MRPS11: variants seen among roughly 807,000 people sequenced by gnomAD.
MRPS11 encodes the protein small ribosomal subunit protein uS11m.
In MRPS11, 27 loss-of-function variants were observed where a neutral mutation model predicts 24.3. The observed-to-expected ratio is 1.11, with a 90% confidence interval of 0.82 to 1.53. MRPS11 has a LOEUF of 1.53. Ranked by LOEUF, MRPS11 falls within the 40% of genes most tolerant of loss-of-function variation. MRPS11 has a pLI of 0.00. For synonymous variants in MRPS11, 104 were observed against 98.7 expected (o/e 1.05, Z -0.32); for missense variants, 277 against 256.5 (o/e 1.08, Z -0.55).
rs1233688504 is a variant in MRPS11, at chr15:88,475,021, C to T, written c.282-89C>T. On this transcript the variant is annotated intron_variant, in intron 3 of 5. Coordinates refer to ENST00000325844, the MANE Select transcript of MRPS11 (RefSeq NM_022839.5). This position sits in a 1 kb window ranked among gnomAD's most constrained non-coding sequence, Gnocchi z 4.1. ...GAAGCAACTGAATTCCTTTTTCTTT[C>T]TCACCCAGGCTTCTAGGGGCATAGA... is the stretch of plus-strand genomic sequence containing the variant. The T allele has an allele frequency of 6.8e-6, 10 of 1,469,774 alleles. No homozygotes were observed. Among genetic ancestry groups the T allele is most frequent in the Middle Eastern group, 1.8e-4 (1 of 5,600 alleles). The allele number at this position is 1,469,774 out of a possible 1,614,324, so 91.0% of individuals were successfully genotyped here.
intron 3 of MRPS11, 123 bp downstream of exon 3, chr15:88,472,848 C>T (rs535445092): frequency 1.4e-4 from 95 of 685,446 alleles, no homozygotes; most frequent in Non-Finnish European, 1.7e-4. Flanking sequence ...TGCATGATGG[C>T]GCTAATGTAG....
chr15:88,478,083 C>T lies in MRPS11; in HGVS notation c.*104C>T. On this transcript the variant is annotated 3_prime_UTR_variant, in exon 6 of 6. Coordinates refer to ENST00000325844, the MANE Select transcript of MRPS11 (RefSeq NM_022839.5). The surrounding 1 kb of genome is among the most constrained non-coding windows in gnomAD (Gnocchi z 4.7). Reference sequence around the variant, plus strand: ...TCTCCAGAATATGCTTGTTGGAGATCCTTCAGGCAGTAAGGGAGAGTTTTG... The same window carrying T: ...TCTCCAGAATATGCTTGTTGGAGATTCTTCAGGCAGTAAGGGAGAGTTTTG... 1 of 925,798 alleles carries T rather than the reference C, an allele frequency of 1.1e-6. No homozygotes were observed. 57.3% of individuals were successfully genotyped at this position (925,798 alleles called of 1,614,324 possible).
At chr15:88,472,601 A>T in intron 2 of MRPS11, 26 bp from the exon 3 acceptor site, 1 of 1,576,902 alleles carries the variant, frequency 6.3e-7, no homozygotes, top group Non-Finnish European at 8.7e-7. Flanking sequence ...AGACAATTTT[A>T]AATAAAATCT....
chr15:88,473,307 T>C (rs1337921858), intron 3 of MRPS11, among the ~76,000 whole-genome samples: 3 of 152,158 alleles, frequency 2.0e-5, no homozygotes, highest in Admixed American at 1.3e-4. Flanking sequence ...CCCAAACATA[T>C]GCTGCCAACA....
At chr15:88,472,512 G>C in intron 2 of MRPS11, 115 bp from the exon 3 acceptor site, 3 of 774,750 alleles carry the variant, frequency 3.9e-6, no homozygotes, top group Non-Finnish European at 6.3e-6. Flanking sequence ...GGTGGGGGCA[G>C]CCACTTAAGA....
chr15:88,477,073 C>T lies in MRPS11; in HGVS notation c.477+19C>T. 1 of 1,612,480 alleles carries T rather than the reference C, an allele frequency of 6.2e-7. No homozygotes were observed. Among genetic ancestry groups the T allele is most frequent in the Non-Finnish European group, 8.5e-7 (1 of 1,178,954 alleles). ...ACGCTTGGTAAGTTACAGTGATTTC[C>T]ATAGTGTACTTGCCTCCTAGTAAGT... On this transcript the variant is annotated intron_variant, in intron 5 of 5. Coordinates refer to ENST00000325844, the MANE Select transcript of MRPS11 (RefSeq NM_022839.5). The surrounding 1 kb of genome is among the most constrained non-coding windows in gnomAD (Gnocchi z 5.7).
intron 3 of MRPS11, 88 bp downstream of exon 3, chr15:88,472,813 G>A (rs1396791591): frequency 9.1e-7 from 1 of 1,093,040 alleles, no homozygotes; most frequent in Non-Finnish European, 1.4e-6. Flanking sequence ...GAATACCCCG[G>A]GGTAGAAGTG....
chr15:88,475,206 C>T lies in MRPS11; in HGVS notation c.378C>T (p.Ile126=), dbSNP rs563650346. The part of the protein sequence containing the change: ...GFRNAKKGTG[I]AAQTAGIAAA... ...GGAATGCCAAGAAGGGCACAGGCAT[C>T]GCAGCACAGACAGCAGGCATAGCCG... Residue 126 remains isoleucine (I), a synonymous_variant, in exon 4 of 6, where the codon ATC becomes ATT. Coordinates refer to ENST00000325844, the MANE Select transcript of MRPS11 (RefSeq NM_022839.5). This position sits in a 1 kb window ranked among gnomAD's most constrained non-coding sequence, Gnocchi z 4.1. 1.7e-5 allele frequency: 28 copies of T among 1,614,112 alleles called. No individual in the cohort carries two copies. The East Asian group carries it at 3.6e-4, about 21-fold the overall frequency.
intron 3 of MRPS11, 137 bp from the exon 4 acceptor site, chr15:88,474,973 G>T (rs1286898553): frequency 2.0e-6 from 2 of 1,002,720 alleles, no homozygotes; most frequent in East Asian, 2.6e-5. Context: ...TTCAAAACAT[G>T]TTCATCTGAG....
rs1437169391 is a variant in MRPS11 at position 88,477,929 on chromosome 15, A to G, written c.535A>G (p.Thr179Ala). 6.2e-7 allele frequency: 1 copy of G among 1,613,862 alleles called. No individual in the cohort carries two copies. Among genetic ancestry groups the G allele is most frequent in the Non-Finnish European group, 8.5e-7 (1 of 1,180,010 alleles). Residue 179 changes from threonine (T) to alanine (A), a missense_variant, in exon 6 of 6, where the codon ACC becomes GCC. Coordinates refer to ENST00000325844, the MANE Select transcript of MRPS11 (RefSeq NM_022839.5). The surrounding 1 kb of genome is among the most constrained non-coding windows in gnomAD (Gnocchi z 5.7). ...GLEVISITDNTPIPHNGCRPR... is the reference protein window; with the variant it reads ...GLEVISITDNAPIPHNGCRPR... Reference sequence around the variant, plus strand: ...GGAAGTGATCTCAATCACAGACAACACCCCAATCCCACACAACGGCTGCCG... The same window carrying G: ...GGAAGTGATCTCAATCACAGACAACGCCCCAATCCCACACAACGGCTGCCG...
chr15:88,470,374 T>C (rs777515457), intron 2 of MRPS11, among the ~76,000 whole-genome samples: 3 of 152,100 alleles, frequency 2.0e-5, no homozygotes, highest in Non-Finnish European at 4.4e-5. Context: ...GCTAGAGATA[T>C]ACAGTTGGGA....
chr15:88,468,779 G>A (rs2055614479), intron 2 of MRPS11: 1 of 154,026 alleles, frequency 6.5e-6, no homozygotes, highest in Admixed American at 6.5e-5. Context: ...GGCGGCCAAG[G>A]TGGGCGAATT....
rs1010704145 is a variant in MRPS11 at position 88,475,295 on chromosome 15, C to T, written c.411+56C>T. On this transcript the variant is annotated intron_variant, in intron 4 of 5. Transcript: ENST00000325844. This position sits in a 1 kb window ranked among gnomAD's most constrained non-coding sequence, Gnocchi z 4.1. Reference sequence around the variant, plus strand: ...GTGTGTGTTTGCTTTCTGCATGGCTCATCACTGAGTGGAGAATCCTCATTA... The same window carrying T: ...GTGTGTGTTTGCTTTCTGCATGGCTTATCACTGAGTGGAGAATCCTCATTA... The T allele has an allele frequency of 2.5e-6, 4 of 1,607,610 alleles. No individual in the cohort carries two copies. The East Asian group carries it at 8.9e-5, about 36-fold the overall frequency.
At chr15:88,467,821 C>T (rs762447247) in intron 1 of MRPS11, 39 bp downstream of exon 1, 1 of 1,613,724 alleles carries the variant, frequency 6.2e-7, no homozygotes, top group South Asian at 1.1e-5. Context: ...CCGCCACCTC[C>T]AGGACTATGC....
At position 88,475,425 on chromosome 15, in the gene MRPS11, CA is replaced by C. The variant is rs1356320530; in HGVS notation, c.411+187del. Among the ~76,000 whole-genome samples the C allele has an allele frequency of 8.5e-5, 13 of 152,276 alleles. No individual in the cohort carries two copies. In the South Asian group the frequency reaches 2.7e-3, roughly 32 times the overall value. Reference sequence around the variant, plus strand: ...AAAGGCTCCTCTTTTTTCTTTCTCTCAGCTTCATTAGAGGTGAAGCCCTTGT... The same window carrying C: ...AAAGGCTCCTCTTTTTTCTTTCTCTCGCTTCATTAGAGGTGAAGCCCTTGT... On this transcript the variant is annotated intron_variant, in intron 4 of 5. Transcript: ENST00000325844. The surrounding 1 kb of genome is among the most constrained non-coding windows in gnomAD (Gnocchi z 4.1).
chr15:88,475,849 C>T lies in MRPS11; in HGVS notation c.411+610C>T, dbSNP rs1423327553. On this transcript the variant is annotated intron_variant, in intron 4 of 5. Coordinates refer to ENST00000325844, the MANE Select transcript of MRPS11 (RefSeq NM_022839.5). The surrounding 1 kb of genome is among the most constrained non-coding windows in gnomAD (Gnocchi z 4.1). ...GTGCGCGCCTGTAGTCCCAGGTACT[C>T]GGGAGGCTGAGGCAGGAGAATCACT... Among the ~76,000 whole-genome samples, 2 of 151,446 alleles carry T rather than the reference C, an allele frequency of 1.3e-5. No homozygotes were observed. Among genetic ancestry groups the T allele is most frequent in the African/African-American group, 2.4e-5 (1 of 41,160 alleles).
rs892048388 is a variant in MRPS11, at chr15:88,477,184, CTGT to C, written c.477+135_477+137del. Reference sequence around the variant, plus strand: ...TTCCATGTTTGCTTGAAGTTCCCGTCTGTTGTTTCTATAATTGACCAAGCCCCT... The same window carrying C: ...TTCCATGTTTGCTTGAAGTTCCCGTCTGTTTCTATAATTGACCAAGCCCCT... On this transcript the variant is annotated intron_variant, in intron 5 of 5. Transcript: ENST00000325844. This position sits in a 1 kb window ranked among gnomAD's most constrained non-coding sequence, Gnocchi z 5.7. The C allele has an allele frequency of 2.4e-6, 2 of 848,700 alleles. No individual in the cohort carries two copies. Among genetic ancestry groups the C allele is most frequent in the African/African-American group, 3.4e-5 (2 of 59,106 alleles). The allele number at this position is 848,700 out of a possible 1,614,324, so 52.6% of individuals were successfully genotyped here. A position where few individuals can be genotyped will look rare whatever the true frequency, so the allele number is the denominator to read the frequency against.
chr15:88,472,956 C>A (rs564172861), intron 3 of MRPS11, among the ~76,000 whole-genome samples: 5 of 152,280 alleles, frequency 3.3e-5, no homozygotes, highest in Non-Finnish European at 7.3e-5. Flanking sequence ...TATAAGAATT[C>A]TTTGCTTTCC....
chr15:88,476,992 G>A lies in MRPS11; in HGVS notation c.415G>A (p.Ala139Thr), dbSNP rs748561221. The change falls in exon 5 of 6, where the codon GCT becomes ACT. Residue 139 changes from alanine (A) to threonine (T), a missense_variant. By Grantham distance (58) the Ala-to-Thr change is moderately conservative. Transcript: ENST00000325844. ...TAACCACTCTGCTTCTCTCCAGAGA[G>A]CTAAACAAAAGGGCGTGATCCACAT... ...QTAGIAAAARAKQKGVIHIRV... is the reference protein window; with the variant it reads ...QTAGIAAAARTKQKGVIHIRV... The A allele has an allele frequency of 3.1e-6, 5 of 1,613,862 alleles. No homozygotes were observed. The South Asian group carries it at 5.5e-5, about 18-fold the overall frequency.
Sources: allele counts gnomAD v4.1 joint callset (sites outside exome capture counted in the v4.1 genomes callset), GRCh38; gene constraint gnomAD v4.1.1; non-coding constraint Gnocchi (gnomAD v3.1); transcripts MANE v1.5; gene names NCBI Gene and HGNC (gene_info 2026-07-23, HGNC 2026-07-21).